Variants in SLC4A4 observed in about 807,000 individuals in gnomAD.
The protein encoded by SLC4A4 is electrogenic sodium bicarbonate cotransporter 1.
SLC4A4 carries 27 observed loss-of-function variants against 111.5 expected under a neutral mutation model. That is an observed-to-expected ratio of 0.24 (90% CI 0.18 to 0.33). SLC4A4 has a LOEUF of 0.33. Among genes scored for constraint, SLC4A4 ranks in the 10% least tolerant of loss-of-function variants. The probability of loss-of-function intolerance (pLI) is 1.00; values close to 1 mark genes in which losing one functional copy is unlikely to be tolerated. For synonymous variants in SLC4A4, 443 were observed against 463.4 expected (o/e 0.96, Z 0.57); for missense variants, 909 against 1,315.5 (o/e 0.69, Z 4.78).
intron 2 of SLC4A4, among the ~76,000 whole-genome samples, chr4:71,147,050 C>G (rs1211612105): frequency 2.6e-5 from 4 of 152,030 alleles, no homozygotes; most frequent in African/African-American, 7.2e-5. Flanking sequence ...GAAGATCTAC[C>G]AAGCAAATGG....
chr4:71,125,240 G>A (rs987475681), intron 2 of SLC4A4, among the ~76,000 whole-genome samples: 10 of 152,162 alleles, frequency 6.6e-5, no homozygotes, highest in African/African-American at 1.9e-4. Flanking sequence ...AAAGGCCAAG[G>A]TGTTACTTTT....
At chr4:71,092,879 A>G (rs190031829) in intron 2 of SLC4A4, among the ~76,000 whole-genome samples, 158 of 152,150 alleles carry the variant, frequency 1.0e-3, no homozygotes, top group Non-Finnish European at 4.4e-4. Flanking sequence ...GGCAGATCAC[A>G]AGGTCAAGAG....
At chr4:71,372,789 G>A (rs1732006700) in intron 6 of SLC4A4, among the ~76,000 whole-genome samples, 1 of 151,646 alleles carries the variant, frequency 6.6e-6, no homozygotes, top group South Asian at 2.1e-4. Context: ...TACTTACCCA[G>A]TGTTTAATGT....
At chr4:71,358,451 TGCATTTCTGGAAATGAGTTTTCTCTTA>T (rs1162305317) in intron 6 of SLC4A4, among the ~76,000 whole-genome samples, 27 of 152,194 alleles carry the variant, frequency 1.8e-4, no homozygotes, top group Non-Finnish European at 2.9e-4. Flanking sequence ...ACTCAGCCAC[TGCATTTCTGGAAATGAGTTTTCTCTTA>T]GTATTAAAGG....
At chr4:71,437,687 C>A (rs528697879) in intron 7 of SLC4A4, 10 of 454,138 alleles carry the variant, frequency 2.2e-5, no homozygotes, top group South Asian at 1.8e-4. Flanking sequence ...GCCATGCCAA[C>A]TGATCCAGTT....
intron 3 of SLC4A4, among the ~76,000 whole-genome samples, chr4:71,331,183 G>A (rs1241188371): frequency 6.6e-6 from 1 of 152,136 alleles, no homozygotes; most frequent in Non-Finnish European, 1.5e-5. Context: ...GGATTCCTCA[G>A]GGATCTAGAA....
chr4:71,417,996 TC>T (rs1159220443), intron 7 of SLC4A4, among the ~76,000 whole-genome samples: 2 of 152,204 alleles, frequency 1.3e-5, no homozygotes, highest in African/African-American at 4.8e-5. Flanking sequence ...CTGTAAGAAT[TC>T]CAGTAACATA....
At chr4:71,371,701 A>G (rs1731900274) in intron 6 of SLC4A4, among the ~76,000 whole-genome samples, 1 of 152,126 alleles carries the variant, frequency 6.6e-6, no homozygotes, top group Non-Finnish European at 1.5e-5. Context: ...AAGATTTACC[A>G]TATATTGTCT....
intron 1 of SLC4A4, among the ~76,000 whole-genome samples, chr4:71,065,674 T>A (rs1578446350): frequency 6.6e-6 from 1 of 152,088 alleles, no homozygotes; most frequent in African/African-American, 2.4e-5. Context: ...CTTCTGGGAC[T>A]TTGCGCATGT....
intron 3 of SLC4A4, among the ~76,000 whole-genome samples, chr4:71,270,412 G>C (rs1287302480): frequency 6.6e-6 from 1 of 152,112 alleles, no homozygotes; most frequent in Non-Finnish European, 1.5e-5. Context: ...TTTAACTCCA[G>C]CTTCTACCTT....
chr4:71,492,872 C>A (rs1730064624), intron 15 of SLC4A4, among the ~76,000 whole-genome samples: 1 of 151,886 alleles, frequency 6.6e-6, no homozygotes, highest in African/African-American at 2.4e-5. Context: ...GATGATTATT[C>A]CCTCTTCTGA....
At chr4:71,237,034 G>A (rs557081933) in intron 2 of SLC4A4, among the ~76,000 whole-genome samples, 144 of 152,286 alleles carry the variant, frequency 9.5e-4, no homozygotes, top group South Asian at 1.2e-3. Context: ...CTTGTAGCTT[G>A]TAGTGTAAAG....
At chr4:71,219,471 A>C (rs1273098218) in intron 1 of SLC4A4, among the ~76,000 whole-genome samples, 1 of 152,216 alleles carries the variant, frequency 6.6e-6, no homozygotes, top group Non-Finnish European at 1.5e-5. Context: ...GGTTACCCAA[A>C]AGCTCTGATA....
intron 2 of SLC4A4, among the ~76,000 whole-genome samples, chr4:71,144,885 A>G (rs533898734): frequency 4.6e-5 from 7 of 152,292 alleles, no homozygotes; most frequent in African/African-American, 1.2e-4. Context: ...CAATCATGTC[A>G]TCTGCAAACA....
At chr4:71,255,461 A>G (rs958428343) in intron 3 of SLC4A4, 62 bp downstream of exon 3, 1 of 1,532,172 alleles carries the variant, frequency 6.5e-7, no homozygotes, top group African/African-American at 1.4e-5. Context: ...TGAGAAGGAC[A>G]CCTTTTTGAA....
chr4:71,174,825 GC>G (rs1310659078), intron 2 of SLC4A4, among the ~76,000 whole-genome samples: 3 of 152,184 alleles, frequency 2.0e-5, no homozygotes, highest in African/African-American at 7.2e-5. Context: ...TTACGATGTA[GC>G]CCAGGCTCAA....
chr4:71,534,399 A>G lies in SLC4A4; in HGVS notation c.2442+11A>G. Reference sequence around the variant, plus strand: ...GAACATAAACTCAAGGTAAGTGTCCATAATAATGTCTGTCATTGCCTTCTA... The same window carrying G: ...GAACATAAACTCAAGGTAAGTGTCCGTAATAATGTCTGTCATTGCCTTCTA... On this transcript the variant is annotated intron_variant, in intron 18 of 25. Coordinates refer to ENST00000264485, the MANE Select transcript of SLC4A4 (RefSeq NM_001098484.3). 1.2e-6 allele frequency: 2 copies of G among 1,612,446 alleles called. No individual in the cohort carries two copies. The highest frequency in any genetic ancestry group is 1.7e-6 in the Non-Finnish European group (2 of 1,178,732).
chr4:71,518,768 C>A (rs1732645965), intron 16 of SLC4A4, among the ~76,000 whole-genome samples: 1 of 152,112 alleles, frequency 6.6e-6, no homozygotes, highest in African/African-American at 2.4e-5. Context: ...GCCCAAAGAC[C>A]AAGTCCCCAG....
At chr4:71,332,668 G>A (rs748846349) in intron 3 of SLC4A4, among the ~76,000 whole-genome samples, 45 of 152,038 alleles carry the variant, frequency 3.0e-4, no homozygotes, top group Non-Finnish European at 5.9e-4. Flanking sequence ...TCCTGACCTC[G>A]TGATCCGCCC....
Sources: allele counts gnomAD v4.1 joint callset (sites outside exome capture counted in the v4.1 genomes callset), GRCh38; gene constraint gnomAD v4.1.1; transcripts MANE v1.5; gene names NCBI Gene and HGNC (gene_info 2026-07-23, HGNC 2026-07-21).